The following TOR3A variants were observed in gnomAD, a reference collection of about 807,000 sequenced individuals.
The protein encoded by TOR3A is torsin-3A.
TOR3A carries 44 observed loss-of-function variants against 42.1 expected under a neutral mutation model. That is an observed-to-expected ratio of 1.04 (90% confidence interval 0.82 to 1.34). The LOEUF (loss-of-function observed/expected upper bound fraction) is 1.34, where lower values mean the gene tolerates loss of function less well. Among genes scored for constraint, TOR3A ranks in the 40% most tolerant of loss-of-function variants. The pLI is 0.00. For synonymous variants in TOR3A, 227 were observed against 213.2 expected, an observed-to-expected ratio of 1.06 and a Z score of -0.57; for missense variants, 521 against 507.6, an observed-to-expected ratio of 1.03 and a Z score of -0.25.
chr1:179,094,900 A>AC, intron 5 of TOR3A, 68 bp from the exon 6 acceptor site: 6 of 1,485,698 alleles, frequency 4.0e-6, no homozygotes, highest in Non-Finnish European at 4.7e-6. Context: ...AGCAACCCCC[A>AC]CCCCCGCTAA....
chr1:179,082,221 G>A lies in TOR3A; in HGVS notation c.93G>A (p.Glu31=). ...CCCGCGGCGCCTCCAGGCCGTGGGA[G>A]GGAACCGACGAGCCGGGCTCGGCCT... The part of the protein sequence containing the change: ...PEPRGASRPW[E]GTDEPGSAWA... The change falls in exon 1 of 6, where the codon GAG becomes GAA. Residue 31 remains glutamate, a synonymous_variant. Transcript: ENST00000367627. The A allele has an allele frequency of 6.6e-7, 1 of 1,512,978 alleles. No individual in the cohort carries two copies. Among genetic ancestry groups the A allele is most frequent in the Admixed American group, 2.2e-5 (1 of 46,478 alleles). 93.7% of individuals were successfully genotyped at this position (1,512,978 alleles called of 1,614,324 possible). A position where few individuals can be genotyped will look rare whatever the true frequency, so the allele number is the denominator to read the frequency against.
At chr1:179,087,487 G>A (rs1378365610) in intron 3 of TOR3A, among the ~76,000 whole-genome samples, 1 of 152,236 alleles carries the variant, frequency 6.6e-6, no homozygotes, top group Admixed American at 6.5e-5. Context: ...AGCTTAAACA[G>A]GGAAGTTGCG....
rs1652481544 is a variant in TOR3A at position 179,088,015 on chromosome 1, TG to T, written c.747del (p.Pro250HisfsTer3). 6.2e-7 allele frequency: 1 copy of T among 1,613,502 alleles called. No homozygotes were observed. The highest frequency in any genetic ancestry group is 1.3e-5 in the African/African-American group (1 of 74,894). On this transcript the variant is annotated frameshift_variant, in exon 4 of 6. Transcript: ENST00000367627. LOFTEE classifies it high-confidence loss of function. ...KLHPGLLEVL[G>X]PHLERRAPEG... ...TGCACCCAGGGCTGCTGGAGGTCCTTGGGCCACACTTAGAACGCCGGGCCCC... is the reference window on the plus strand; with the variant it reads ...TGCACCCAGGGCTGCTGGAGGTCCTTGGCCACACTTAGAACGCCGGGCCCC...
At chr1:179,091,335 C>T (rs1652575716) in intron 4 of TOR3A, among the ~76,000 whole-genome samples, 3 of 152,140 alleles carry the variant, frequency 2.0e-5, no homozygotes, top group Admixed American at 2.0e-4. Flanking sequence ...AATTGAGGTG[C>T]TCCAGAAAGA....
chr1:179,088,819 G>A (rs1176278949), intron 4 of TOR3A, among the ~76,000 whole-genome samples: 9 of 152,174 alleles, frequency 5.9e-5, no homozygotes, highest in Non-Finnish European at 8.8e-5. Context: ...CTCCAACTGG[G>A]GGAGTCCTGT....
At chr1:179,091,141 A>G (rs1652570137) in intron 4 of TOR3A, among the ~76,000 whole-genome samples, 1 of 152,202 alleles carries the variant, frequency 6.6e-6, no homozygotes, top group Non-Finnish European at 1.5e-5. Flanking sequence ...TACCAGTAAC[A>G]ACCAGTTCTC....
intron 3 of TOR3A, 41 bp from the exon 4 acceptor site, chr1:179,087,870 G>T: frequency 6.6e-7 from 1 of 1,504,524 alleles, no homozygotes; most frequent in East Asian, 2.4e-5. Flanking sequence ...GGAGGTGGAA[G>T]GAGTCACCAC....
intron 3 of TOR3A, 59 bp downstream of exon 3, chr1:179,085,952 GCCCT>G (rs1652423867): frequency 3.8e-6 from 6 of 1,570,838 alleles, no homozygotes; most frequent in Middle Eastern, 2.1e-4. Flanking sequence ...CCTTCTGCCA[GCCCT>G]TCCTTGCAAG....
rs80024482 is a variant in TOR3A, at chr1:179,085,458, C to T, written c.374-170C>T. On this transcript the variant is annotated intron_variant, in intron 2 of 5. Transcript: ENST00000367627. Reference sequence around the variant, plus strand: ...AAAAAAAGAAAGTAGTCCTTGAATCCCTTCTGCTACAAAGTCTGCCCTCTG... The same window carrying T: ...AAAAAAAGAAAGTAGTCCTTGAATCTCTTCTGCTACAAAGTCTGCCCTCTG... The T allele has an allele frequency of 1.6e-3, 1,246 of 760,912 alleles. 12 individuals are homozygous for T. In the African/African-American group the frequency reaches 0.019, roughly 12 times the overall value. The allele number at this position is 760,912 out of a possible 1,614,324, so 47.1% of individuals were successfully genotyped here.
chr1:179,083,092 G>T (rs1244026236), intron 2 of TOR3A, 39 bp downstream of exon 2: 1 of 1,268,216 alleles, frequency 7.9e-7, no homozygotes, highest in Non-Finnish European at 1.1e-6. Context: ...AGGGATCTGT[G>T]GGGAGGGGAG....
At chr1:179,084,383 T>A (rs1045680883) in intron 2 of TOR3A, among the ~76,000 whole-genome samples, 4 of 152,116 alleles carry the variant, frequency 2.6e-5, no homozygotes, top group Non-Finnish European at 5.9e-5. Flanking sequence ...CCCACCACCA[T>A]GCCCAGCTAA....
intron 5 of TOR3A, 114 bp downstream of exon 5, chr1:179,094,331 G>T (rs1652676351): frequency 1.5e-6 from 2 of 1,329,726 alleles, no homozygotes; most frequent in Non-Finnish European, 2.0e-6. Flanking sequence ...ACAGAGGGCA[G>T]ACTATAATCA....
chr1:179,091,378 A>T (rs1233163797), intron 4 of TOR3A, among the ~76,000 whole-genome samples: 1 of 152,200 alleles, frequency 6.6e-6, no homozygotes, highest in African/African-American at 2.4e-5. Context: ...CGCTGGTGCC[A>T]GAGTGGTGGT....
chr1:179,085,466 T>C, intron 2 of TOR3A, 162 bp from the exon 3 acceptor site: 1 of 783,756 alleles, frequency 1.3e-6, no homozygotes, highest in Non-Finnish European at 2.1e-6. Flanking sequence ...TCCCTTCTGC[T>C]ACAAAGTCTG....
intron 4 of TOR3A, among the ~76,000 whole-genome samples, chr1:179,092,072 A>G (rs1386896721): frequency 6.6e-6 from 1 of 152,180 alleles, no homozygotes; most frequent in Admixed American, 6.5e-5. Flanking sequence ...GCAGTGAAAG[A>G]CACATTAGCA....
rs377669803 is a variant in TOR3A, at chr1:179,082,260, C to A, written c.132C>A (p.Gly44=). 6 of 1,554,998 alleles carry A rather than the reference C, an allele frequency of 3.9e-6. No individual in the cohort carries two copies. Among genetic ancestry groups the A allele is most frequent in the East Asian group, 5.0e-5 (2 of 40,268 alleles). ...DEPGSAWAWP[G]FQRLQEQLRA... is the part of the protein sequence containing the mutation. ...CGGGCTCGGCCTGGGCCTGGCCGGGCTTCCAGCGCCTGCAGGAGCAGCTCA... is the reference window on the plus strand; with the variant it reads ...CGGGCTCGGCCTGGGCCTGGCCGGGATTCCAGCGCCTGCAGGAGCAGCTCA... Residue 44 remains glycine, a synonymous_variant, in exon 1 of 6, where the codon GGC becomes GGA. Coordinates refer to ENST00000367627, the MANE Select transcript of TOR3A (RefSeq NM_022371.4).
At chr1:179,094,945 T>C in intron 5 of TOR3A, 23 bp from the exon 6 acceptor site, 3 of 1,612,290 alleles carry the variant, frequency 1.9e-6, no homozygotes, top group South Asian at 1.1e-5. Context: ...TCAGACTCCA[T>C]GTAACTTTGG....
At position 179,095,074 on chromosome 1, in the gene TOR3A, C is replaced by T; in HGVS notation, c.1050C>T (p.Ala350=). The change falls in exon 6 of 6, where the codon GCC becomes GCT. Residue 350 remains alanine (A), a synonymous_variant. Coordinates refer to ENST00000367627, the MANE Select transcript of TOR3A (RefSeq NM_022371.4). The stretch of plus-strand genomic sequence containing the variant: ...ACGTGAGGCTGTGTGCACGGGATGC[C>T]TTCCTGAGCCAGGAGCTCCTGTATA... ...YRHVRLCARD[A]FLSQELLYKE... The T allele has an allele frequency of 6.2e-7, 1 of 1,614,208 alleles. No individual in the cohort carries two copies. Among genetic ancestry groups the T allele is most frequent in the Non-Finnish European group, 8.5e-7 (1 of 1,180,050 alleles).
In TOR3A at chr1:179,088,055, G is replaced by T. The variant is rs966740741; in HGVS notation, c.784G>T (p.Ala262Ser). The T allele has an allele frequency of 2.5e-6, 4 of 1,609,356 alleles. No individual in the cohort carries two copies. Among genetic ancestry groups the T allele is most frequent in the Non-Finnish European group, 2.5e-6 (3 of 1,178,230 alleles). The stretch of plus-strand genomic sequence containing the variant: ...ACGCCGGGCCCCTGAGGGCCACAGG[G>T]CTGAGTCTCCATGGACTATCTTTCT... ...LERRAPEGHR[A>S]ESPWTIFLFL... Residue 262 changes from alanine (A) to serine (S), a missense_variant, in exon 4 of 6, where the codon GCT (alanine) becomes TCT (serine). Ala to Ser is a moderately conservative substitution (Grantham distance 99, BLOSUM62 1). Transcript: ENST00000367627.
Sources: gnomAD v4.1 joint callset for allele counts (sites outside exome capture counted in the v4.1 genomes callset) on GRCh38, gnomAD v4.1.1 for gene constraint, MANE v1.5 for transcripts, NCBI Gene and HGNC (gene_info 2026-07-23, HGNC 2026-07-21) for gene names.